The following TMTC2 variants were observed in gnomAD, a reference collection of about 807,000 sequenced individuals.
TMTC2 encodes the protein protein O-mannosyl-transferase TMTC2.
A neutral mutation model predicts 82.4 loss-of-function variants in TMTC2; 43 were observed. That is an observed-to-expected ratio of 0.52 (90% confidence interval 0.41 to 0.67). The LOEUF (loss-of-function observed/expected upper bound fraction) is 0.67. Ranked by LOEUF, TMTC2 falls within the 30% of genes least tolerant of loss-of-function variation. The pLI, the probability that TMTC2 is intolerant of heterozygous loss-of-function variation, is 0.00. For missense variants in TMTC2, 919 were observed against 1,012.4 expected, an observed-to-expected ratio of 0.91 and a Z score of 1.25; for synonymous variants, 408 against 381.9, an observed-to-expected ratio of 1.07 and a Z score of -0.80.
intron 1 of TMTC2, among the ~76,000 whole-genome samples, chr12:82,719,282 C>T (rs551608338): frequency 6.6e-6 from 1 of 151,308 alleles, no homozygotes; most frequent in Non-Finnish European, 1.5e-5. Context: ...TCAGTAGAGA[C>T]GGGGTTTCAC....
intron 1 of TMTC2, among the ~76,000 whole-genome samples, chr12:82,783,405 A>T (rs1022547308): frequency 1.1e-4 from 16 of 151,860 alleles, no homozygotes; most frequent in Non-Finnish European, 1.9e-4. Flanking sequence ...TCCTTCTCAT[A>T]TAAAAAGGGG....
chr12:82,834,936 G>C (rs1308216949), intron 1 of TMTC2, among the ~76,000 whole-genome samples: 1 of 151,554 alleles, frequency 6.6e-6, no homozygotes, highest in African/African-American at 2.4e-5. Flanking sequence ...GGAGTGCGGT[G>C]GTGCTATCTC....
At chr12:82,756,441 A>G (rs1302939613) in intron 1 of TMTC2, among the ~76,000 whole-genome samples, 1 of 152,204 alleles carries the variant, frequency 6.6e-6, no homozygotes, top group Non-Finnish European at 1.5e-5. Flanking sequence ...TCATCCTGCC[A>G]GTAAAGCTGC....
chr12:82,747,995 A>C (rs1875777058), intron 1 of TMTC2, among the ~76,000 whole-genome samples: 1 of 152,226 alleles, frequency 6.6e-6, no homozygotes, highest in Admixed American at 6.5e-5. Flanking sequence ...TTCTAAATTC[A>C]ATCTAATTAA....
At chr12:82,832,610 C>T (rs911545552) in intron 1 of TMTC2, among the ~76,000 whole-genome samples, 11 of 152,032 alleles carry the variant, frequency 7.2e-5, no homozygotes, top group African/African-American at 2.7e-4. Context: ...GCAGTGGTGA[C>T]GTTTTATTAA....
chr12:82,809,381 A>G (rs376508942), intron 1 of TMTC2, among the ~76,000 whole-genome samples: 10 of 152,026 alleles, frequency 6.6e-5, no homozygotes, highest in Admixed American at 6.6e-4. Context: ...TGTGTAGCCA[A>G]TTTCCTTGAC....
chr12:82,986,051 G>C lies in TMTC2; in HGVS notation c.2070+5G>C. 6.2e-7 allele frequency: 1 copy of C among 1,613,918 alleles called. No homozygotes were observed. The highest frequency in any genetic ancestry group is 8.5e-7 in the Non-Finnish European group (1 of 1,179,870). ...GGGAAGCTGCTAGCTCTAACAGTGAGTAACCGCCTTCCTTGGTCTTTAAAA... is the reference window on the plus strand; with the variant it reads ...GGGAAGCTGCTAGCTCTAACAGTGACTAACCGCCTTCCTTGGTCTTTAAAA... On this transcript the variant is annotated splice_donor_5th_base_variant and intron_variant, in intron 8 of 11. Transcript: ENST00000321196.
chr12:82,711,221 G>A (rs1204714472), intron 1 of TMTC2, among the ~76,000 whole-genome samples: 1 of 152,200 alleles, frequency 6.6e-6, no homozygotes, highest in Non-Finnish European at 1.5e-5. Flanking sequence ...GCGTAGTAAG[G>A]TCAGAAGTCA....
chr12:82,857,208 G>C lies in TMTC2; in HGVS notation c.282G>C (p.Leu94Phe), dbSNP rs1382617825. The C allele has an allele frequency of 6.2e-7, 1 of 1,614,142 alleles. No individual in the cohort carries two copies. Among genetic ancestry groups the C allele is most frequent in the Admixed American group, 1.7e-5 (1 of 60,010 alleles). Residue 94 changes from leucine (L) to phenylalanine (F), a missense_variant, in exon 2 of 12, where the codon TTG becomes TTC. By Grantham distance (22) the Leu-to-Phe change is conservative. Transcript: ENST00000321196. The part of the protein sequence containing the change: ...PWSYHLVNVL[L>F]HAAVTGLFTS... ...GCTACCATCTTGTCAATGTCCTGTT[G>C]CATGCAGCAGTCACTGGTCTCTTCA... is the stretch of plus-strand genomic sequence containing the variant.
At chr12:82,918,326 A>G (rs1465499631) in intron 3 of TMTC2, among the ~76,000 whole-genome samples, 2 of 152,214 alleles carry the variant, frequency 1.3e-5, no homozygotes, top group East Asian at 1.9e-4. Context: ...GACTGGCAAG[A>G]TTGCAATTTT....
At chr12:82,892,489 A>G (rs1216575743) in intron 2 of TMTC2, among the ~76,000 whole-genome samples, 1 of 151,522 alleles carries the variant, frequency 6.6e-6, no homozygotes, top group African/African-American at 2.5e-5. Context: ...TACGTCTATG[A>G]AAAATTAAAG....
intron 3 of TMTC2, among the ~76,000 whole-genome samples, chr12:82,922,967 T>C (rs1053837123): frequency 3.9e-5 from 6 of 152,178 alleles, no homozygotes; most frequent in Admixed American, 3.9e-4. Context: ...TTAAACATTC[T>C]CTTACGTGCT....
At chr12:83,057,683 G>C (rs746423228) in intron 10 of TMTC2, among the ~76,000 whole-genome samples, 3 of 151,496 alleles carry the variant, frequency 2.0e-5, no homozygotes, top group Non-Finnish European at 4.4e-5. Context: ...AATTTCCTCT[G>C]TTTTTATGTT....
chr12:83,030,438 G>A (rs1881379480), intron 8 of TMTC2, among the ~76,000 whole-genome samples: 1 of 152,064 alleles, frequency 6.6e-6, no homozygotes, highest in Non-Finnish European at 1.5e-5. Context: ...GGAAGCAAAT[G>A]AAAGGGAGAA....
At chr12:82,923,674 C>A (rs1437710442) in intron 3 of TMTC2, among the ~76,000 whole-genome samples, 2 of 152,066 alleles carry the variant, frequency 1.3e-5, no homozygotes, top group East Asian at 1.9e-4. Flanking sequence ...GTATAAAAAT[C>A]AGTTCTCATT....
intron 9 of TMTC2, among the ~76,000 whole-genome samples, chr12:83,050,359 T>C (rs1882300036): frequency 6.6e-6 from 1 of 152,162 alleles, no homozygotes; most frequent in Non-Finnish European, 1.5e-5. Context: ...GTTGAAAGAG[T>C]TCTGTGACTC....
intron 11 of TMTC2, among the ~76,000 whole-genome samples, chr12:83,113,237 C>T (rs560526559): frequency 6.6e-6 from 1 of 151,970 alleles, no homozygotes; most frequent in South Asian, 2.1e-4. Flanking sequence ...TAGGGCTGCT[C>T]AGAGAAGAGA....
chr12:82,957,580 C>A (rs1877683247), intron 4 of TMTC2, among the ~76,000 whole-genome samples: 1 of 151,846 alleles, frequency 6.6e-6, no homozygotes. Flanking sequence ...AATCAATGAA[C>A]CCAAAAGTTG....
rs78139881 is a variant in TMTC2, at chr12:82,833,395, A to G, written c.84-23615A>G. 9.3e-3 allele frequency among the ~76,000 whole-genome samples: 1,417 copies of G among 152,324 alleles called. 48 individuals carry two copies. Among genetic ancestry groups the G allele is most frequent in the East Asian group, 0.054 (282 of 5,192 alleles). ...GTGAGGCTACAAAGAAGTATCAACT[A>G]AAACTAAGTCAAATAAAAAAACTTC... On this transcript the variant is annotated intron_variant, in intron 1 of 11. Coordinates refer to ENST00000321196, the MANE Select transcript of TMTC2 (RefSeq NM_152588.3).
Sources: allele counts gnomAD v4.1 joint callset (sites outside exome capture counted in the v4.1 genomes callset), GRCh38; gene constraint gnomAD v4.1.1; transcripts MANE v1.5; gene names NCBI Gene and HGNC (gene_info 2026-07-23, HGNC 2026-07-21).